Variants in RHEB observed in about 807,000 individuals in gnomAD.
The protein encoded by RHEB is GTP-binding protein Rheb.
RHEB carries 2 observed loss-of-function variants against 28.8 expected under a neutral mutation model. The ratio of observed to expected loss-of-function variants is 0.07; its 90% CI spans 0.03 to 0.22. The LOEUF (loss-of-function observed/expected upper bound fraction) is 0.22, where lower values mean the gene tolerates loss of function less well. RHEB is among the 10% of genes least tolerant of loss of function. The pLI, the probability that RHEB is intolerant of heterozygous loss-of-function variation, is 1.00. For synonymous variants in RHEB, 69 were observed against 77.3 expected (o/e 0.89, Z 0.56); for missense variants, 76 against 219.9 (o/e 0.35, Z 4.14).
At chr7:151,490,722 C>T (rs1391304939) in intron 2 of RHEB, among the ~76,000 whole-genome samples, 1 of 152,164 alleles carries the variant, frequency 6.6e-6, no homozygotes, top group African/African-American at 2.4e-5. Context: ...GGCCAGACTC[C>T]TACTGACTTG....
chr7:151,507,361 T>G (rs909519868), intron 1 of RHEB, among the ~76,000 whole-genome samples: 1 of 152,064 alleles, frequency 6.6e-6, no homozygotes, highest in South Asian at 2.1e-4. Flanking sequence ...AGGGGTGATA[T>G]GTGTTGTATT....
chr7:151,488,112 CTT>C (rs1312665963), intron 2 of RHEB, among the ~76,000 whole-genome samples: 8 of 152,178 alleles, frequency 5.3e-5, no homozygotes, highest in Non-Finnish European at 1.5e-5. Context: ...GCTATGCTTG[CTT>C]TTTAGTTATA....
intron 1 of RHEB, chr7:151,503,396 A>G (rs1802808023): frequency 1.8e-6 from 2 of 1,131,996 alleles, no homozygotes; most frequent in Non-Finnish European, 1.3e-6. Flanking sequence ...ATCCTGCAGT[A>G]CCGAGTAGAT....
intron 1 of RHEB, among the ~76,000 whole-genome samples, chr7:151,499,026 A>G (rs1802721901): frequency 1.3e-5 from 2 of 152,186 alleles, no homozygotes; most frequent in Admixed American, 1.3e-4. Flanking sequence ...ATAGACACAA[A>G]CCCCTTCCTC....
rs145995563 is a variant in RHEB, at chr7:151,470,917, T to A, written c.381-265A>T. On this transcript the variant is annotated intron_variant, in intron 6 of 7. Coordinates refer to ENST00000262187, the MANE Select transcript of RHEB (RefSeq NM_005614.4). ...CAGAGAACATGATCTTATTTTCCAG[T>A]ACTCCCGTATCTGTAACAATTGACT... Among the ~76,000 whole-genome samples the A allele has an allele frequency of 7.4e-3, 1,120 of 152,358 alleles. 5 individuals carry two copies. Among genetic ancestry groups the A allele is most frequent in the South Asian group, 0.013 (65 of 4,830 alleles).
At chr7:151,480,734 G>C (rs1327864696) in intron 3 of RHEB, among the ~76,000 whole-genome samples, 1 of 150,462 alleles carries the variant, frequency 6.6e-6, no homozygotes, top group East Asian at 2.0e-4. Context: ...GCCCAGGCTA[G>C]AGGGCAATGG....
intron 6 of RHEB, among the ~76,000 whole-genome samples, chr7:151,470,853 C>T (rs1250392993): frequency 2.6e-5 from 4 of 152,206 alleles, no homozygotes; most frequent in African/African-American, 9.6e-5. Flanking sequence ...ATAGACATTG[C>T]TTTATGGGAT....
intron 3 of RHEB, 33 bp downstream of exon 3, chr7:151,484,704 G>C: frequency 6.8e-7 from 1 of 1,464,914 alleles, no homozygotes; most frequent in Non-Finnish European, 9.6e-7. Context: ...CAGATATGCT[G>C]TATAAGATTC....
intron 1 of RHEB, 49 bp downstream of exon 1, chr7:151,519,411 G>C: frequency 7.5e-7 from 1 of 1,336,714 alleles, no homozygotes; most frequent in African/African-American, 1.5e-5. Context: ...CCGGCTCCCA[G>C]GCGAGGCCCC....
At chr7:151,494,591 C>T (rs1284814328) in intron 1 of RHEB, among the ~76,000 whole-genome samples, 4 of 152,192 alleles carry the variant, frequency 2.6e-5, no homozygotes, top group African/African-American at 4.8e-5. Flanking sequence ...CGCAGGTTGA[C>T]AGCCAACTGT....
intron 3 of RHEB, among the ~76,000 whole-genome samples, chr7:151,480,660 T>G (rs1246594881): frequency 6.6e-6 from 1 of 151,646 alleles, no homozygotes; most frequent in Non-Finnish European, 1.5e-5. Context: ...GGATTGTCAT[T>G]GAATCAATTT....
intron 1 of RHEB, 101 bp downstream of exon 1, chr7:151,519,359 C>A: frequency 1.2e-6 from 1 of 856,194 alleles, no homozygotes; most frequent in Non-Finnish European, 1.5e-6. Flanking sequence ...CGCCCCGCCA[C>A]ATGGCCGCGC....
At chr7:151,477,029 C>T (rs1438771583) in intron 4 of RHEB, among the ~76,000 whole-genome samples, 1 of 152,188 alleles carries the variant, frequency 6.6e-6, no homozygotes, top group South Asian at 2.1e-4. Flanking sequence ...TAAAAACACA[C>T]ACAAAGTAAA....
intron 4 of RHEB, among the ~76,000 whole-genome samples, chr7:151,474,094 T>C (rs1404617367): frequency 6.6e-6 from 1 of 152,178 alleles, no homozygotes; most frequent in Non-Finnish European, 1.5e-5. Context: ...ACAAGATGAG[T>C]GACTGAATGT....
At chr7:151,516,091 A>G (rs1046622189) in intron 1 of RHEB, among the ~76,000 whole-genome samples, 4 of 152,192 alleles carry the variant, frequency 2.6e-5, no homozygotes, top group Admixed American at 6.5e-5. Context: ...TGTGGTAGAA[A>G]TAACGGAATG....
chr7:151,495,109 C>G (rs1474434241), intron 1 of RHEB, among the ~76,000 whole-genome samples: 1 of 152,160 alleles, frequency 6.6e-6, no homozygotes, highest in East Asian at 1.9e-4. Flanking sequence ...CTCTCAATAA[C>G]TTCATATATT....
intron 3 of RHEB, among the ~76,000 whole-genome samples, chr7:151,482,688 T>G (rs1802399756): frequency 6.6e-6 from 1 of 152,198 alleles, no homozygotes; most frequent in African/African-American, 2.4e-5. Flanking sequence ...CAGCTGTATT[T>G]CTTTGCCCAG....
At chr7:151,473,698 C>A (rs549222161) in intron 4 of RHEB, among the ~76,000 whole-genome samples, 2 of 152,278 alleles carry the variant, frequency 1.3e-5, no homozygotes, top group East Asian at 3.9e-4. Flanking sequence ...GATTAAACTA[C>A]GAGCTACTAG....
At chr7:151,493,104 G>A (rs1291972291) in intron 1 of RHEB, among the ~76,000 whole-genome samples, 1 of 152,072 alleles carries the variant, frequency 6.6e-6, no homozygotes, top group Non-Finnish European at 1.5e-5. Flanking sequence ...GCCTCCCAAA[G>A]TGCTGGGATG....
Sources: allele counts gnomAD v4.1 joint callset (sites outside exome capture counted in the v4.1 genomes callset), GRCh38; gene constraint gnomAD v4.1.1; transcripts MANE v1.5; gene names NCBI Gene and HGNC (gene_info 2026-07-23, HGNC 2026-07-21).